PTCHD4: variants seen among roughly 807,000 people sequenced by gnomAD.
PTCHD4 encodes the protein patched domain-containing protein 4.
In PTCHD4, 33 loss-of-function variants were observed where a neutral mutation model predicts 58.1. The ratio of observed to expected loss-of-function variants is 0.57; its 90% CI spans 0.43 to 0.76. The LOEUF (loss-of-function observed/expected upper bound fraction) is 0.76, where lower values mean the gene tolerates loss of function less well. Among genes scored for constraint, PTCHD4 ranks in the 30% least tolerant of loss-of-function variants. The pLI, the probability that PTCHD4 is intolerant of heterozygous loss-of-function variation, is 0.00. For missense variants in PTCHD4, 1,058 were observed against 1,027.1 expected (o/e 1.03, Z -0.41); for synonymous variants, 478 against 409.6 (o/e 1.17, Z -2.02).
chr6:48,091,624 C>T (rs1172867510), intron 1 of PTCHD4, among the ~76,000 whole-genome samples: 1 of 148,818 alleles, frequency 6.7e-6, no homozygotes, highest in African/African-American at 2.5e-5. Context: ...TCCCTCCCTC[C>T]CTCCCTCCCT....
At chr6:47,991,906 A>G (rs1768293027) in intron 4 of PTCHD4, among the ~76,000 whole-genome samples, 1 of 152,068 alleles carries the variant, frequency 6.6e-6, no homozygotes, top group Non-Finnish European at 1.5e-5. Context: ...AAAGAACAAT[A>G]ATAACATATA....
intron 3 of PTCHD4, among the ~76,000 whole-genome samples, chr6:48,033,805 C>T (rs1304841242): frequency 6.6e-6 from 1 of 151,944 alleles, no homozygotes; most frequent in African/African-American, 2.4e-5. Flanking sequence ...ACATCTTTTC[C>T]ATTGATTTCA....
chr6:47,883,428 A>G (rs1236561578), intron 4 of PTCHD4, among the ~76,000 whole-genome samples: 1 of 152,182 alleles, frequency 6.6e-6, no homozygotes, highest in Non-Finnish European at 1.5e-5. Flanking sequence ...TGTTACTTCT[A>G]TTGTCGTATA....
At chr6:47,940,002 C>A (rs1313861430) in intron 4 of PTCHD4, among the ~76,000 whole-genome samples, 2 of 152,038 alleles carry the variant, frequency 1.3e-5, no homozygotes, top group African/African-American at 4.8e-5. Context: ...TTTAGACATA[C>A]ATCGCTTTGA....
At chr6:48,027,993 G>T (rs1479195614) in intron 3 of PTCHD4, among the ~76,000 whole-genome samples, 1 of 152,074 alleles carries the variant, frequency 6.6e-6, no homozygotes, top group Non-Finnish European at 1.5e-5. Flanking sequence ...TCAGGCTGGG[G>T]TATAGTGGTG....
chr6:48,022,220 C>A (rs1288914258), intron 3 of PTCHD4, among the ~76,000 whole-genome samples: 1 of 151,262 alleles, frequency 6.6e-6, no homozygotes, highest in African/African-American at 2.4e-5. Context: ...TCTCTCTAAC[C>A]CTTTCTCCCT....
At chr6:47,885,078 A>T (rs898025620) in intron 4 of PTCHD4, among the ~76,000 whole-genome samples, 1 of 152,200 alleles carries the variant, frequency 6.6e-6, no homozygotes, top group African/African-American at 2.4e-5. Flanking sequence ...CCTGAATTAC[A>T]TTAGTATATA....
intron 4 of PTCHD4, among the ~76,000 whole-genome samples, chr6:47,958,885 A>T (rs780009574): frequency 2.6e-5 from 4 of 152,194 alleles, no homozygotes; most frequent in Admixed American, 6.5e-5. Context: ...GTCGGGAATG[A>T]TTAGCTCTAG....
chr6:47,857,320 CAA>C lies in PTCHD4; in HGVS notation c.*20981_*20982del. Among the ~76,000 whole-genome samples the C allele has an allele frequency of 6.6e-6, 1 of 152,164 alleles. No homozygotes were observed. The highest frequency in any genetic ancestry group is 2.1e-4 in the South Asian group (1 of 4,822). ...TAAGAACAGATGCACATTGACGACA[CAA>C]AGTTTCTGCGAATACGTAGTTTCAT... On this transcript the variant is annotated 3_prime_UTR_variant, in exon 5 of 5. Transcript: ENST00000339488.
intron 3 of PTCHD4, among the ~76,000 whole-genome samples, chr6:48,033,754 C>G (rs1160979645): frequency 6.6e-6 from 1 of 151,958 alleles, no homozygotes; most frequent in South Asian, 2.1e-4. Flanking sequence ...GGTAGTTGGA[C>G]CAACACTGAG....
At chr6:47,931,945 A>C (rs548654857) in intron 4 of PTCHD4, among the ~76,000 whole-genome samples, 39 of 152,322 alleles carry the variant, frequency 2.6e-4, no homozygotes, top group Middle Eastern at 6.8e-3. Flanking sequence ...CAAGGACTAA[A>C]GGGCTTCCTT....
In PTCHD4 at chr6:47,867,651, T is replaced by A. The variant is rs1415059443; in HGVS notation, c.*10652A>T. 9.9e-5 allele frequency among the ~76,000 whole-genome samples: 15 copies of A among 151,754 alleles called. 1 individual carries two copies. Among genetic ancestry groups the A allele is most frequent in the Admixed American group, 9.9e-4 (15 of 15,188 alleles). On this transcript the variant is annotated 3_prime_UTR_variant, in exon 5 of 5. Transcript: ENST00000339488. ...CTTCATCCTGGACAACCTGCTTTCC[T>A]GCCCTTGTATATTTCACTTTTTCTC...
At chr6:48,089,077 G>A (rs1765316213) in intron 1 of PTCHD4, among the ~76,000 whole-genome samples, 1 of 151,994 alleles carries the variant, frequency 6.6e-6, no homozygotes, top group Admixed American at 6.6e-5. Context: ...TAGGAATGGG[G>A]GTAATCATTA....
intron 4 of PTCHD4, among the ~76,000 whole-genome samples, chr6:47,972,942 C>G (rs1767571499): frequency 6.6e-6 from 1 of 151,950 alleles, no homozygotes; most frequent in African/African-American, 2.4e-5. Context: ...TGAATGATGT[C>G]ATTCACCCTT....
At chr6:47,986,300 A>G (rs718675) in intron 4 of PTCHD4, among the ~76,000 whole-genome samples, 18,456 of 152,134 alleles carry the variant, frequency 0.12, 1,454 homozygotes, top group South Asian at 0.2. Flanking sequence ...TATTGGGAGA[A>G]TTAAGTCATT....
chr6:47,947,949 C>G (rs1766486797), intron 4 of PTCHD4, among the ~76,000 whole-genome samples: 1 of 152,128 alleles, frequency 6.6e-6, no homozygotes, highest in South Asian at 2.1e-4. Context: ...CTTAGCCTCT[C>G]TTTCATAATT....
chr6:48,090,402 ACT>A (rs1279840157), intron 1 of PTCHD4, among the ~76,000 whole-genome samples: 1 of 152,196 alleles, frequency 6.6e-6, no homozygotes, highest in Admixed American at 6.5e-5. Flanking sequence ...CGAACATTTT[ACT>A]TAAGTAATGG....
chr6:48,095,744 A>G (rs112695519), intron 1 of PTCHD4, among the ~76,000 whole-genome samples: 1 of 151,994 alleles, frequency 6.6e-6, no homozygotes, highest in African/African-American at 2.4e-5. Context: ...AAAAAAAAAA[A>G]AAACAAATAT....
At chr6:47,927,058 C>T (rs73739020) in intron 4 of PTCHD4, among the ~76,000 whole-genome samples, 1,608 of 151,954 alleles carry the variant, frequency 0.011, 36 homozygotes, top group African/African-American at 0.037. Flanking sequence ...AGGCTGTACC[C>T]ACTCAACTTC....
Sources: gnomAD v4.1 joint callset for allele counts (sites outside exome capture counted in the v4.1 genomes callset) on GRCh38, gnomAD v4.1.1 for gene constraint, MANE v1.5 for transcripts, NCBI Gene and HGNC (gene_info 2026-07-23, HGNC 2026-07-21) for gene names.